The following ZC3H6 variants were observed in gnomAD, a reference collection of about 807,000 sequenced individuals.
ZC3H6 encodes zinc finger CCCH-type containing 6.
ZC3H6 carries 40 observed loss-of-function variants against 107.7 expected under a neutral mutation model. The observed-to-expected ratio is 0.37, with a 90% CI of 0.29 to 0.48. The LOEUF (loss-of-function observed/expected upper bound fraction) is 0.48. Ranked by LOEUF, ZC3H6 falls within the 20% of genes least tolerant of loss-of-function variation. ZC3H6 has a pLI of 0.98. For synonymous variants in ZC3H6, 493 were observed against 487.9 expected, an observed-to-expected ratio of 1.01 and a Z score of -0.14; for missense variants, 1,267 against 1,410.4, an observed-to-expected ratio of 0.90 and a Z score of 1.63.
rs201082576 is a variant in ZC3H6, at chr2:112,324,474, G to A, written c.1663G>A (p.Gly555Ser). 475 of 1,613,704 alleles carry A rather than the reference G, an allele frequency of 2.9e-4. 1 individual carries two copies. The highest frequency in any genetic ancestry group is 3.8e-4 in the Non-Finnish European group (447 of 1,179,824). Residue 555 changes from glycine (G) to serine (S), a missense_variant, in exon 10 of 12, where the codon GGC (glycine) becomes AGC (serine). Physicochemically the swap from Gly to Ser is moderately conservative, Grantham distance 56. This residue lies in a region of ZC3H6 where 925 missense variants were observed against 1,025.7 expected (regional missense o/e 0.90). Coordinates refer to ENST00000409871, the MANE Select transcript of ZC3H6 (RefSeq NM_198581.3). ...TATGGGTGGGGCTTACCACTCCCCA[G>A]GCTTTCCAGGACATGTGATGAAAGT... Reference protein sequence around the residue: ...PSMGGAYHSPGFPGHVMKVPR... With the variant: ...PSMGGAYHSPSFPGHVMKVPR...
At position 112,332,670 on chromosome 2, in the gene ZC3H6, T is replaced by C; in HGVS notation, c.*182T>C. 2.0e-6 allele frequency: 1 copy of C among 501,476 alleles called. No individual in the cohort carries two copies. Among genetic ancestry groups the C allele is most frequent in the Non-Finnish European group, 3.2e-6 (1 of 309,096 alleles). 31.1% of individuals were successfully genotyped at this position (501,476 alleles called of 1,614,324 possible). On this transcript the variant is annotated 3_prime_UTR_variant, in exon 12 of 12. Transcript: ENST00000409871. Reference sequence around the variant, plus strand: ...TGTGGTATTTTATATAATATTTTTATAACTTTAAGAGACTGTAGTAATTGA... The same window carrying C: ...TGTGGTATTTTATATAATATTTTTACAACTTTAAGAGACTGTAGTAATTGA...
chr2:112,311,630 A>G (rs576886912), intron 4 of ZC3H6, among the ~76,000 whole-genome samples, 174 bp from the exon 5 acceptor site: 1 of 152,356 alleles, frequency 6.6e-6, no homozygotes, highest in African/African-American at 2.4e-5. Flanking sequence ...TCCCTTAAGA[A>G]GCAGTACCAA....
chr2:112,288,421 TCTA>T (rs1323237860), intron 1 of ZC3H6, among the ~76,000 whole-genome samples: 4 of 152,210 alleles, frequency 2.6e-5, no homozygotes, highest in African/African-American at 9.7e-5. Flanking sequence ...TTGAGGGCTA[TCTA>T]CTAGGTGGTA....
In ZC3H6 at chr2:112,331,874, A is replaced by C; in HGVS notation, c.2956A>C (p.Met986Leu). ...CAATACAGAGTCTCATCAAGTGGTTATGAAGGATTCACATGCATCAAAGGG... is the reference window on the plus strand; with the variant it reads ...CAATACAGAGTCTCATCAAGTGGTTCTGAAGGATTCACATGCATCAAAGGG... The part of the protein sequence containing the change: ...LPNTESHQVV[M>L]KDSHASKGAP... The change falls in exon 12 of 12, where the codon ATG becomes CTG. Residue 986 changes from methionine to leucine, a missense_variant. Around this residue, in one of 3 missense-constraint regions of ZC3H6, gnomAD observed 925 missense variants for 1,025.7 expected, o/e 0.90. Coordinates refer to ENST00000409871, the MANE Select transcript of ZC3H6 (RefSeq NM_198581.3). 1 of 1,613,978 alleles carries C rather than the reference A, an allele frequency of 6.2e-7. No homozygotes were observed. The highest frequency in any genetic ancestry group is 8.5e-7 in the Non-Finnish European group (1 of 1,179,882).
rs1676700445 is a variant in ZC3H6, at chr2:112,316,595, ATAGAGGTAT to A, written c.864+10_864+18del. The A allele has an allele frequency of 6.6e-7, 1 of 1,515,846 alleles. No individual in the cohort carries two copies. Among genetic ancestry groups the A allele is most frequent in the African/African-American group, 1.4e-5 (1 of 72,274 alleles). 93.9% of individuals were successfully genotyped at this position (1,515,846 alleles called of 1,614,324 possible). A position where few individuals can be genotyped will look rare whatever the true frequency, so the allele number is the denominator to read the frequency against. ...AAGGGAGGTGTATTAAGGTAAATTT[ATAGAGGTAT>A]CATAAGTCATTTTAACTTCCAAAAT... On this transcript the variant is annotated intron_variant, in intron 6 of 11. Transcript: ENST00000409871.
At position 112,331,483 on chromosome 2, in the gene ZC3H6, A is replaced by G. The variant is rs368234861; in HGVS notation, c.2565A>G (p.Gln855=). 6.2e-7 allele frequency: 1 copy of G among 1,613,980 alleles called. No homozygotes were observed. The stretch of plus-strand genomic sequence containing the variant: ...TAATGCTCCAGGATCCAAGGTCACA[A>G]TTGAGACAGTTCAGTCACATTAAAA... The part of the protein sequence containing the change: ...PGIMLQDPRS[Q]LRQFSHIKMD... The change falls in exon 12 of 12, where the codon CAA becomes CAG. Residue 855 remains glutamine, a synonymous_variant. Transcript: ENST00000409871.
Position 112,324,660 on chromosome 2 carries a change from G to C in ZC3H6, c.1849G>C (p.Gly617Arg). Residue 617 changes from glycine (G) to arginine (R), a missense_variant, in exon 10 of 12, where the codon GGT becomes CGT. Gly to Arg is a moderately radical substitution (Grantham distance 125). Coordinates refer to ENST00000409871, the MANE Select transcript of ZC3H6 (RefSeq NM_198581.3). ...IHNFQPPNNSGDGMWHGEFAQ... is the reference protein window; with the variant it reads ...IHNFQPPNNSRDGMWHGEFAQ... The stretch of plus-strand genomic sequence containing the variant: ...TAATTTTCAGCCACCCAATAACTCT[G>C]GTGGTAAGTTTACTTTTTTGAAATA... The C allele has an allele frequency of 6.4e-7, 1 of 1,559,530 alleles. No individual in the cohort carries two copies. Among genetic ancestry groups the C allele is most frequent in the South Asian group, 1.2e-5 (1 of 86,222 alleles).
chr2:112,311,479 T>C (rs1237012610), intron 4 of ZC3H6, among the ~76,000 whole-genome samples: 1 of 152,186 alleles, frequency 6.6e-6, no homozygotes, highest in Non-Finnish European at 1.5e-5. Context: ...CTTCCTTAAA[T>C]AGGAATATAA....
At chr2:112,320,143 G>A (rs1461729036) in intron 7 of ZC3H6, among the ~76,000 whole-genome samples, 1 of 152,154 alleles carries the variant, frequency 6.6e-6, no homozygotes, top group Non-Finnish European at 1.5e-5. Flanking sequence ...ATGTTGATCA[G>A]ACTGGTCTCA....
chr2:112,297,684 T>C lies in ZC3H6; in HGVS notation c.33-2165T>C, dbSNP rs535123487. On this transcript the variant is annotated intron_variant, in intron 1 of 11. Transcript: ENST00000409871. The stretch of plus-strand genomic sequence containing the variant: ...AAGATACTAGTATTTGGAAAGAAAT[T>C]AGATTTATAGTTCTACTATGAATCT... Among the ~76,000 whole-genome samples, 5 of 152,334 alleles carry C rather than the reference T, an allele frequency of 3.3e-5. No homozygotes were observed. The South Asian group carries it at 6.2e-4, about 19-fold the overall frequency.
chr2:112,282,691 A>G (rs1448414341), intron 1 of ZC3H6, among the ~76,000 whole-genome samples: 1 of 152,214 alleles, frequency 6.6e-6, no homozygotes, highest in Admixed American at 6.5e-5. Context: ...AAGGACTAGA[A>G]ATTTACATCA....
intron 1 of ZC3H6, among the ~76,000 whole-genome samples, chr2:112,292,299 T>C (rs1676139382): frequency 1.3e-5 from 2 of 152,244 alleles, no homozygotes; most frequent in Admixed American, 1.3e-4. Context: ...TATGGCTTAT[T>C]ACCTTTGTAG....
At chr2:112,289,929 C>T (rs185869605) in intron 1 of ZC3H6, among the ~76,000 whole-genome samples, 23 of 152,144 alleles carry the variant, frequency 1.5e-4, no homozygotes, top group African/African-American at 5.3e-4. Context: ...TTTATAGAGA[C>T]GGGGTTTTAC....
intron 1 of ZC3H6, among the ~76,000 whole-genome samples, chr2:112,279,301 C>T (rs974790808): frequency 8.5e-5 from 13 of 152,248 alleles, no homozygotes; most frequent in African/African-American, 2.2e-4. Flanking sequence ...CTCCTGAAGA[C>T]GAAATACTAT....
At position 112,275,807 on chromosome 2, in the gene ZC3H6, GGTT is replaced by G. The variant is rs1388899011; in HGVS notation, c.-184_-182del. 4 of 502,980 alleles carry G rather than the reference GGTT, an allele frequency of 8.0e-6. No homozygotes were observed. The South Asian group carries it at 8.6e-5, about 11-fold the overall frequency. The allele number at this position is 502,980 out of a possible 1,614,324, so 31.2% of individuals were successfully genotyped here. ...AGTTAGAGCCCCATCTCTCTGGCGT[GGTT>G]GTTAATAGACTGGAAAGTCTGTGTC... On this transcript the variant is annotated 5_prime_UTR_variant, in exon 1 of 12. Transcript: ENST00000409871.
At position 112,275,963 on chromosome 2, in the gene ZC3H6, G is replaced by C; in HGVS notation, c.-32G>C. 6.6e-7 allele frequency: 1 copy of C among 1,521,436 alleles called. No individual in the cohort carries two copies. 94.2% of individuals were successfully genotyped at this position (1,521,436 alleles called of 1,614,324 possible). ...CCGCCGCCGCCGGCCTCGCAGACCTGCCCTCCAGCCCCGCCCCGTTCTTGA... is the reference window on the plus strand; with the variant it reads ...CCGCCGCCGCCGGCCTCGCAGACCTCCCCTCCAGCCCCGCCCCGTTCTTGA... On this transcript the variant is annotated 5_prime_UTR_variant, in exon 1 of 12. Coordinates refer to ENST00000409871, the MANE Select transcript of ZC3H6 (RefSeq NM_198581.3).
At chr2:112,311,706 A>G in intron 4 of ZC3H6, 98 bp from the exon 5 acceptor site, 1 of 1,097,402 alleles carries the variant, frequency 9.1e-7, no homozygotes, top group African/African-American at 1.6e-5. Context: ...AATGCACTGT[A>G]TATTATAGAC....
chr2:112,286,306 G>A (rs1686605299), intron 1 of ZC3H6: 1 of 237,704 alleles, frequency 4.2e-6, no homozygotes, highest in African/African-American at 2.3e-5. Context: ...GTTTCAGCCA[G>A]GCTCTTAATG....
intron 1 of ZC3H6, among the ~76,000 whole-genome samples, chr2:112,287,845 G>T (rs1319960721): frequency 6.6e-6 from 1 of 152,238 alleles, no homozygotes; most frequent in African/African-American, 2.4e-5. Context: ...CTCGTGATCC[G>T]CCTGCCTTGG....
Sources: gnomAD v4.1 joint callset for allele counts (sites outside exome capture counted in the v4.1 genomes callset) on GRCh38, gnomAD v4.1.1 for gene constraint, gnomAD v4.1.1 regional missense constraint, MANE v1.5 for transcripts, NCBI Gene and HGNC (gene_info 2026-07-23, HGNC 2026-07-21) for gene names.